Variants in ZHX2 observed in about 807,000 individuals in gnomAD.
ZHX2 encodes zinc fingers and homeoboxes 2.
In ZHX2, 6 loss-of-function variants were observed where a neutral mutation model predicts 21.9. The ratio of observed to expected loss-of-function variants is 0.27; its 90% CI spans 0.15 to 0.54. The LOEUF (loss-of-function observed/expected upper bound fraction) is 0.54, where lower values mean the gene tolerates loss of function less well. Among genes scored for constraint, ZHX2 ranks in the 20% least tolerant of loss-of-function variants. The pLI is 0.95. For synonymous variants in ZHX2, 434 were observed against 437.1 expected, an observed-to-expected ratio of 0.99 and a Z score of 0.09; for missense variants, 908 against 1,090.7, an observed-to-expected ratio of 0.83 and a Z score of 2.36.
At chr8:122,913,276 C>G (rs1334334687) in intron 2 of ZHX2, among the ~76,000 whole-genome samples, 1 of 152,212 alleles carries the variant, frequency 6.6e-6, no homozygotes, top group Non-Finnish European at 1.5e-5. Context: ...AGCCATGCAT[C>G]TGTTAATGAA....
intron 3 of ZHX2, among the ~76,000 whole-genome samples, chr8:122,958,480 A>G (rs1813362309): frequency 6.6e-6 from 1 of 152,220 alleles, no homozygotes; most frequent in Non-Finnish European, 1.5e-5. Context: ...GAGGGTTCCC[A>G]TTAATTGACA....
At chr8:122,932,986 C>G (rs1263700072) in intron 2 of ZHX2, among the ~76,000 whole-genome samples, 2 of 152,088 alleles carry the variant, frequency 1.3e-5, no homozygotes, top group Non-Finnish European at 2.9e-5. Flanking sequence ...AAGAGTAAAC[C>G]TTCACCATTT....
chr8:122,888,397 A>G (rs1170988621), intron 2 of ZHX2, among the ~76,000 whole-genome samples: 1 of 152,164 alleles, frequency 6.6e-6, no homozygotes, highest in Non-Finnish European at 1.5e-5. Flanking sequence ...AAACATGTAC[A>G]TTTCTTTCCG....
At chr8:122,829,206 A>G (rs1563745239) in intron 1 of ZHX2, among the ~76,000 whole-genome samples, 1 of 152,254 alleles carries the variant, frequency 6.6e-6, no homozygotes, top group East Asian at 1.9e-4. Context: ...CCGCTGGTAA[A>G]TGGCTGAGCC....
At chr8:122,854,647 C>T (rs1048835511) in intron 1 of ZHX2, among the ~76,000 whole-genome samples, 2 of 152,282 alleles carry the variant, frequency 1.3e-5, no homozygotes, top group South Asian at 2.1e-4. Context: ...TGGCAAGTCC[C>T]GAGGCACTGG....
chr8:122,819,917 A>G (rs1355573303), intron 1 of ZHX2, among the ~76,000 whole-genome samples: 1 of 151,712 alleles, frequency 6.6e-6, no homozygotes. Context: ...AAAGCCCCAC[A>G]CCCTCGCCTT....
At chr8:122,909,075 C>G (rs1347127726) in intron 2 of ZHX2, among the ~76,000 whole-genome samples, 1 of 152,192 alleles carries the variant, frequency 6.6e-6, no homozygotes, top group Non-Finnish European at 1.5e-5. Flanking sequence ...AACTCAAACA[C>G]ATGGTGGCTT....
Position 122,952,171 on chromosome 8 carries a change from G to T in ZHX2, c.661G>T (p.Asp221Tyr). 2.5e-6 allele frequency: 4 copies of T among 1,612,928 alleles called. No individual in the cohort carries two copies. The highest frequency in any genetic ancestry group is 3.4e-6 in the Non-Finnish European group (4 of 1,179,846). Residue 221 changes from aspartate (D) to tyrosine (Y), a missense_variant, in exon 3 of 4, where the codon GAC becomes TAC. Transcript: ENST00000314393. This position sits in a 1 kb window ranked among gnomAD's most constrained non-coding sequence, Gnocchi z 6.9. ...GGAAGGGACCGCCCGCCTGGTGACA[G>T]ACACAGCTGAGATCCTCTCGAGACT... is the stretch of plus-strand genomic sequence containing the variant. ...HVEGTARLVT[D>Y]TAEILSRLGG...
intron 1 of ZHX2, among the ~76,000 whole-genome samples, chr8:122,841,464 T>A (rs1488865620): frequency 7.3e-5 from 11 of 151,542 alleles, no homozygotes; most frequent in African/African-American, 2.7e-4. Context: ...AAAACCCACC[T>A]CCTGCCTCAC....
rs900117110 is a variant in ZHX2 at position 122,782,393 on chromosome 8, G to A, written c.-283+447G>A. On this transcript the variant is annotated intron_variant, in intron 1 of 3. Transcript: ENST00000314393. This position sits in a 1 kb window ranked among gnomAD's most constrained non-coding sequence, Gnocchi z 5.3. ...TTCGTGGCCGTCTCCCTCCCTTCTT[G>A]GCCAAACTGCGGCGCTTTGTGCAAA... Among the ~76,000 whole-genome samples the A allele has an allele frequency of 1.1e-4, 17 of 152,108 alleles. No homozygotes were observed. The highest frequency in any genetic ancestry group is 3.9e-4 in the African/African-American group (16 of 41,506).
chr8:122,794,201 A>C (rs1041814157), intron 1 of ZHX2, among the ~76,000 whole-genome samples: 12 of 152,054 alleles, frequency 7.9e-5, no homozygotes, highest in African/African-American at 2.9e-4. Context: ...TTGAAATAGG[A>C]GTGTGACTTC....
chr8:122,937,804 C>G (rs1022202217), intron 2 of ZHX2, among the ~76,000 whole-genome samples: 2 of 152,072 alleles, frequency 1.3e-5, no homozygotes, highest in East Asian at 3.9e-4. Context: ...GTCTCGAGCT[C>G]CTCCTGAACT....
intron 1 of ZHX2, chr8:122,815,763 C>T (rs1001355662): frequency 6.6e-6 from 1 of 152,192 alleles, no homozygotes; most frequent in African/African-American, 2.4e-5. Context: ...AAGAGTCAAT[C>T]GATGCAGCAA....
At chr8:122,943,393 A>C (rs971268225) in intron 2 of ZHX2, among the ~76,000 whole-genome samples, 3 of 152,256 alleles carry the variant, frequency 2.0e-5, no homozygotes, top group African/African-American at 4.8e-5. Context: ...TTACTGCTCC[A>C]GGCTGTGTGA....
intron 2 of ZHX2, among the ~76,000 whole-genome samples, chr8:122,885,726 AC>A (rs894045366): frequency 1.3e-5 from 2 of 152,062 alleles, no homozygotes; most frequent in African/African-American, 4.8e-5. Flanking sequence ...CACATGACAG[AC>A]CCCCCAACTA....
At chr8:122,882,972 A>G (rs1243641787) in intron 2 of ZHX2, among the ~76,000 whole-genome samples, 1 of 151,840 alleles carries the variant, frequency 6.6e-6, no homozygotes, top group Non-Finnish European at 1.5e-5. Context: ...GCAGAGTGAG[A>G]CTCTGTCCCC....
chr8:122,951,762 C>T lies in ZHX2; in HGVS notation c.252C>T (p.Pro84=), dbSNP rs764766526. The change falls in exon 3 of 4, where the codon CCC becomes CCT. Residue 84 remains proline, a synonymous_variant. Coordinates refer to ENST00000314393, the MANE Select transcript of ZHX2 (RefSeq NM_014943.5). ...GTGGTTATGAGTGCAAATACTGCCC[C>T]TACTCCACGCAAAACCTGAACGAGT... ...LQGGYECKYC[P]YSTQNLNEFT... 2 of 1,614,012 alleles carry T rather than the reference C, an allele frequency of 1.2e-6. No individual in the cohort carries two copies. The highest frequency in any genetic ancestry group is 2.7e-5 in the African/African-American group (2 of 74,888).
Position 122,828,209 on chromosome 8 carries a change from T to C in ZHX2, c.-282-35268T>C, listed in dbSNP as rs952417726. ...AGAGCAGAGGCGAGTGCAGCGTATA[T>C]GGAACAAAAGCACCCCTGTGGAGTG... On this transcript the variant is annotated intron_variant, in intron 1 of 3. Transcript: ENST00000314393. This position sits in a 1 kb window ranked among gnomAD's most constrained non-coding sequence, Gnocchi z 5.2. 1.3e-5 allele frequency among the ~76,000 whole-genome samples: 2 copies of C among 152,090 alleles called. No individual in the cohort carries two copies. The highest frequency in any genetic ancestry group is 2.9e-5 in the Non-Finnish European group (2 of 68,010).
intron 1 of ZHX2, among the ~76,000 whole-genome samples, chr8:122,795,371 G>C (rs940603803): frequency 2.0e-5 from 3 of 152,224 alleles, no homozygotes; most frequent in Admixed American, 6.5e-5. Context: ...CCCTGGCCTA[G>C]CCCTGCTCCC....
Sources: allele counts gnomAD v4.1 joint callset (sites outside exome capture counted in the v4.1 genomes callset), GRCh38; gene constraint gnomAD v4.1.1; non-coding constraint Gnocchi (gnomAD v3.1); transcripts MANE v1.5; gene names NCBI Gene and HGNC (gene_info 2026-07-23, HGNC 2026-07-21).